The following UNC79 variants were observed in gnomAD, a reference collection of about 807,000 sequenced individuals.
The protein encoded by UNC79 is unc-79 subunit of NALCN channel complex.
UNC79 carries 37 observed loss-of-function variants against 283.1 expected under a neutral mutation model. The observed-to-expected ratio is 0.13, with a 90% CI of 0.10 to 0.17. The LOEUF (loss-of-function observed/expected upper bound fraction) is 0.17, where lower values mean the gene tolerates loss of function less well. UNC79 is among the 10% of genes least tolerant of loss of function. The probability of loss-of-function intolerance (pLI) is 1.00; values close to 1 mark genes in which losing one functional copy is unlikely to be tolerated. For synonymous variants in UNC79, 1,107 were observed against 1,200.2 expected (o/e 0.92, Z 1.61); for missense variants, 2,272 against 3,211.1 (o/e 0.71, Z 7.07).
chr14:93,578,106 G>A (rs1359748463), intron 18 of UNC79, 43 bp downstream of exon 18: 1 of 1,570,820 alleles, frequency 6.4e-7, no homozygotes, highest in Non-Finnish European at 8.7e-7. Flanking sequence ...GGTGAAGAAT[G>A]AGAGAAAGCG....
At chr14:93,663,829 C>T (rs1352762648) in intron 40 of UNC79, among the ~76,000 whole-genome samples, 1 of 152,036 alleles carries the variant, frequency 6.6e-6, no homozygotes, top group Non-Finnish European at 1.5e-5. Flanking sequence ...TTCTAGAAAC[C>T]ATTTGATTTC....
intron 1 of UNC79, chr14:93,334,716 C>T (rs150219933): frequency 9.2e-5 from 14 of 152,324 alleles, no homozygotes; most frequent in African/African-American, 3.4e-4. Flanking sequence ...ACATGGGATT[C>T]TAAACACCGT....
Position 93,623,815 on chromosome 14 carries a change from C to A in UNC79, c.5608+974C>A, listed in dbSNP as rs12100868. On this transcript the variant is annotated intron_variant, in intron 30 of 48. Coordinates refer to ENST00000555664, the Ensembl canonical transcript of UNC79. The stretch of plus-strand genomic sequence containing the variant: ...GGCTGAGGCAGGAGAATTGCTTGAA[C>A]CTGGGAGGCGGAGGTTACAGTGAGG... 9.6e-3 allele frequency among the ~76,000 whole-genome samples: 1,461 copies of A among 152,286 alleles called. 26 individuals are homozygous for A. The highest frequency in any genetic ancestry group is 0.033 in the African/African-American group (1,371 of 41,550).
chr14:93,347,641 G>T (rs951946003), intron 1 of UNC79, among the ~76,000 whole-genome samples: 2 of 152,130 alleles, frequency 1.3e-5, no homozygotes, highest in Non-Finnish European at 2.9e-5. Context: ...GGAACGCGCG[G>T]GGATTGGGCC....
intron 22 of UNC79, among the ~76,000 whole-genome samples, chr14:93,589,832 G>A (rs2064524414): frequency 6.6e-6 from 1 of 152,166 alleles, no homozygotes; most frequent in Non-Finnish European, 1.5e-5. Context: ...GAAAATAGAG[G>A]TGGGAGGATC....
chr14:93,448,679 T>C (rs1196990660), intron 1 of UNC79, among the ~76,000 whole-genome samples: 1 of 152,214 alleles, frequency 6.6e-6, no homozygotes, highest in East Asian at 1.9e-4. Flanking sequence ...ATGGGTAATT[T>C]TCCTGGCTGG....
chr14:93,438,121 A>G (rs945683517), intron 1 of UNC79, among the ~76,000 whole-genome samples: 2 of 152,208 alleles, frequency 1.3e-5, no homozygotes, highest in East Asian at 3.8e-4. Flanking sequence ...TATATGAAGT[A>G]TCCAAAATAA....
chr14:93,561,105 G>C (rs1050093716), intron 14 of UNC79, among the ~76,000 whole-genome samples: 1 of 152,178 alleles, frequency 6.6e-6, no homozygotes, highest in Non-Finnish European at 1.5e-5. Context: ...AAGTTTGCCA[G>C]TATTGATAGA....
intron 1 of UNC79, among the ~76,000 whole-genome samples, chr14:93,339,424 C>T (rs991211379): frequency 3.3e-5 from 5 of 152,104 alleles, no homozygotes; most frequent in African/African-American, 9.7e-5. Flanking sequence ...CTCAGCCTCC[C>T]GAGTAGCTGG....
At chr14:93,703,427 G>T (rs892036710) in intron 47 of UNC79, among the ~76,000 whole-genome samples, 1 of 152,134 alleles carries the variant, frequency 6.6e-6, no homozygotes, top group Admixed American at 6.5e-5. Context: ...TCCTTGGCTT[G>T]TAGGTCCCTG....
At chr14:93,437,467 A>G (rs896165180) in intron 1 of UNC79, 6 of 152,168 alleles carry the variant, frequency 3.9e-5, no homozygotes, top group Non-Finnish European at 5.9e-5. Context: ...TCTTTTGCAT[A>G]TCATTCTAAT....
intron 7 of UNC79, among the ~76,000 whole-genome samples, chr14:93,503,225 G>A (rs1329118374): frequency 6.6e-6 from 1 of 152,090 alleles, no homozygotes; most frequent in Non-Finnish European, 1.5e-5. Context: ...TGGTGTTGAG[G>A]ATAACTGTAC....
chr14:93,680,525 C>T (rs1481476321), intron 41 of UNC79, among the ~76,000 whole-genome samples: 1 of 152,174 alleles, frequency 6.6e-6, no homozygotes. Flanking sequence ...CTGTTGTCCT[C>T]ACAGAGGTTT....
intron 7 of UNC79, among the ~76,000 whole-genome samples, chr14:93,504,471 C>T (rs1480812191): frequency 6.6e-6 from 1 of 151,932 alleles, no homozygotes; most frequent in African/African-American, 2.4e-5. Flanking sequence ...AATCCATGAA[C>T]ATGGTATATC....
intron 1 of UNC79, among the ~76,000 whole-genome samples, chr14:93,423,515 C>T (rs1207364859): frequency 6.6e-6 from 1 of 152,136 alleles, no homozygotes; most frequent in Non-Finnish European, 1.5e-5. Flanking sequence ...TAAAAACAGA[C>T]ACATAGACCA....
chr14:93,566,811 A>G (rs538375468), intron 14 of UNC79, among the ~76,000 whole-genome samples: 47 of 151,766 alleles, frequency 3.1e-4, no homozygotes, highest in Non-Finnish European at 5.4e-4. Flanking sequence ...TAGAGATGGT[A>G]TTTCACCATG....
intron 1 of UNC79, among the ~76,000 whole-genome samples, chr14:93,370,315 G>T (rs1296697778): frequency 1.3e-5 from 2 of 152,198 alleles, no homozygotes; most frequent in Non-Finnish European, 2.9e-5. Context: ...ACTAGATTGT[G>T]TGCAAGAACA....
At chr14:93,477,689 A>T in exon 4 of UNC79, 2 of 1,613,440 alleles carry the variant, frequency 1.2e-6, no homozygotes, top group Non-Finnish European at 1.7e-6. Context: ...CAAGGATATC[A>T]TTGAATATCT....
intron 5 of UNC79, among the ~76,000 whole-genome samples, chr14:93,496,180 C>T (rs1448982929): frequency 2.0e-5 from 3 of 151,892 alleles, no homozygotes; most frequent in Non-Finnish European, 4.4e-5. Flanking sequence ...AAAATATTTC[C>T]ATTGTTAACA....
Sources: gnomAD v4.1 joint callset for allele counts (sites outside exome capture counted in the v4.1 genomes callset) on GRCh38, gnomAD v4.1.1 for gene constraint, MANE v1.5 for transcripts, NCBI Gene and HGNC (gene_info 2026-07-23, HGNC 2026-07-21) for gene names.